The following KCMF1 variants were observed in gnomAD, a reference collection of about 807,000 sequenced individuals.
KCMF1 encodes the protein E3 ubiquitin-protein ligase KCMF1.
KCMF1 carries 3 observed loss-of-function variants against 41.1 expected under a neutral mutation model. The ratio of observed to expected loss-of-function variants is 0.07; its 90% CI spans 0.03 to 0.19. The LOEUF (loss-of-function observed/expected upper bound fraction) is 0.19, where lower values mean the gene tolerates loss of function less well. Among genes scored for constraint, KCMF1 ranks in the 10% least tolerant of loss-of-function variants. The pLI, the probability that KCMF1 is intolerant of heterozygous loss-of-function variation, is 1.00. For synonymous variants in KCMF1, 142 were observed against 164.5 expected (o/e 0.86, Z 1.04); for missense variants, 286 against 488.9 (o/e 0.58, Z 3.91).
intron 1 of KCMF1, among the ~76,000 whole-genome samples, chr2:85,006,699 G>A (rs1034425579): frequency 3.3e-5 from 5 of 151,942 alleles, no homozygotes; most frequent in African/African-American, 9.7e-5. Flanking sequence ...TTTGAGAATG[G>A]AATTTTTATG....
At chr2:84,973,339 A>G (rs1475010529) in intron 1 of KCMF1, among the ~76,000 whole-genome samples, 2 of 152,210 alleles carry the variant, frequency 1.3e-5, no homozygotes, top group African/African-American at 2.4e-5. Flanking sequence ...AATGTAACAT[A>G]TATTCTGTAA....
intron 6 of KCMF1, among the ~76,000 whole-genome samples, chr2:85,052,447 C>A (rs1405716293): frequency 6.6e-6 from 1 of 152,164 alleles, no homozygotes; most frequent in Non-Finnish European, 1.5e-5. Flanking sequence ...CTTGCAGTTT[C>A]ATTTATATCC....
At position 85,044,264 on chromosome 2, in the gene KCMF1, C is replaced by T. The variant is rs145798779; in HGVS notation, c.426+599C>T. ...GGGACAGGTGTGCATCTTGGTGTTC[C>T]TTTCCTTTTTGGGGTCCCCTTCTCC... On this transcript the variant is annotated intron_variant, in intron 4 of 6. Coordinates refer to ENST00000409785, the MANE Select transcript of KCMF1 (RefSeq NM_020122.5). Among the ~76,000 whole-genome samples, 29 of 152,170 alleles carry T rather than the reference C, an allele frequency of 1.9e-4. No homozygotes were observed. In the East Asian group the frequency reaches 5.6e-3, roughly 29 times the overall value.
At chr2:84,994,435 C>T (rs1036717111) in intron 1 of KCMF1, among the ~76,000 whole-genome samples, 32 of 150,876 alleles carry the variant, frequency 2.1e-4, no homozygotes, top group African/African-American at 7.8e-4. Flanking sequence ...CGGAGGTTCG[C>T]TTTTGTTGCC....
At chr2:85,028,115 G>A in intron 2 of KCMF1, 59 bp downstream of exon 2, 1 of 1,143,656 alleles carries the variant, frequency 8.7e-7, no homozygotes, top group South Asian at 1.5e-5. Flanking sequence ...CGTTGAAGAA[G>A]TAAAGGCAAA....
In KCMF1 at chr2:85,055,411, T is replaced by C. The variant is rs1675903545; in HGVS notation, c.*2002T>C. On this transcript the variant is annotated 3_prime_UTR_variant, in exon 7 of 7. Coordinates refer to ENST00000409785, the MANE Select transcript of KCMF1 (RefSeq NM_020122.5). ...GAAATAAATGCCAATTATATGTACT[T>C]TCCCTTTTCTGCACAAATTCTGGGA... The C allele has an allele frequency of 6.6e-6, 1 of 152,188 alleles. No individual in the cohort carries two copies. Among genetic ancestry groups the C allele is most frequent in the African/African-American group, 2.4e-5 (1 of 41,438 alleles). The allele number at this position is 152,188 out of a possible 1,614,324, so 9.4% of individuals were successfully genotyped here.
chr2:85,049,238 CTG>C (rs1675746682), intron 5 of KCMF1, 126 bp from the exon 6 acceptor site: 3 of 884,322 alleles, frequency 3.4e-6, no homozygotes, highest in South Asian at 1.7e-5. Flanking sequence ...AGCTCTTAAA[CTG>C]TGTGCTGTGG....
chr2:84,971,473 A>G lies in KCMF1; in HGVS notation c.16+6A>G, dbSNP rs1673390314. On this transcript the variant is annotated splice_donor_region_variant and intron_variant, in intron 1 of 6. Coordinates refer to ENST00000409785, the MANE Select transcript of KCMF1 (RefSeq NM_020122.5). ...TAGGATGTCCCGACATGAAGGTGAG[A>G]GGAGCCCCCGCCCCCACCCGCACCT... The G allele has an allele frequency of 1.6e-6, 2 of 1,274,096 alleles. No individual in the cohort carries two copies. The highest frequency in any genetic ancestry group is 4.3e-5 in the East Asian group (1 of 23,406). 78.9% of individuals were successfully genotyped at this position (1,274,096 alleles called of 1,614,324 possible). A position where few individuals can be genotyped will look rare whatever the true frequency, so the allele number is the denominator to read the frequency against.
rs150835051 is a variant in KCMF1 at position 85,030,496 on chromosome 2, G to T, written c.184+2440G>T. Among the ~76,000 whole-genome samples the T allele has an allele frequency of 3.8e-3, 583 of 152,070 alleles. 4 individuals are homozygous for T. The highest frequency in any genetic ancestry group is 6.2e-3 in the Non-Finnish European group (424 of 67,992). ...TACATTTAGATATTTGACCCATTTA[G>T]AATTAATTTTTATATGTGGAATGAG... On this transcript the variant is annotated intron_variant, in intron 2 of 6. Transcript: ENST00000409785.
rs761734817 is a variant in KCMF1, at chr2:85,049,660, G to C, written c.884+12G>C. On this transcript the variant is annotated intron_variant, in intron 6 of 6. Transcript: ENST00000409785. ...TTTCTTTTAACAAGGTAGCTCATTTGTTAATAGAATTTTGTTTGGGAAGTA... is the reference window on the plus strand; with the variant it reads ...TTTCTTTTAACAAGGTAGCTCATTTCTTAATAGAATTTTGTTTGGGAAGTA... 2 of 1,598,076 alleles carry C rather than the reference G, an allele frequency of 1.3e-6. No individual in the cohort carries two copies. Among genetic ancestry groups the C allele is most frequent in the Non-Finnish European group, 1.7e-6 (2 of 1,168,484 alleles).
chr2:85,003,339 G>A (rs1033780662), intron 1 of KCMF1, among the ~76,000 whole-genome samples: 16 of 152,138 alleles, frequency 1.1e-4, no homozygotes, highest in Admixed American at 6.6e-4. Context: ...TTAGCCAGGC[G>A]TGGTGGCGGG....
chr2:84,977,041 C>T (rs915226599), intron 1 of KCMF1, among the ~76,000 whole-genome samples: 1 of 151,556 alleles, frequency 6.6e-6, no homozygotes, highest in Admixed American at 6.6e-5. Flanking sequence ...TTTTTTTACT[C>T]TCTGTTGCCC....
At chr2:85,029,848 A>T (rs952919173) in intron 2 of KCMF1, among the ~76,000 whole-genome samples, 1 of 150,976 alleles carries the variant, frequency 6.6e-6, no homozygotes, top group Non-Finnish European at 1.5e-5. Context: ...TGCCCAGAAA[A>T]TTTTTTTTGT....
At chr2:85,009,951 T>C (rs1674613625) in intron 1 of KCMF1, among the ~76,000 whole-genome samples, 1 of 152,206 alleles carries the variant, frequency 6.6e-6, no homozygotes, top group South Asian at 2.1e-4. Flanking sequence ...CCAGACATTT[T>C]GTTGAATTTG....
intron 1 of KCMF1, among the ~76,000 whole-genome samples, chr2:84,978,208 G>A (rs1673601246): frequency 6.6e-6 from 1 of 152,116 alleles, no homozygotes; most frequent in South Asian, 2.1e-4. Context: ...TGTTAGTCAG[G>A]CTGGTCTTGA....
intron 1 of KCMF1, among the ~76,000 whole-genome samples, chr2:84,973,825 C>CTTTTT (rs1238178193): frequency 1.1e-3 from 126 of 110,208 alleles, no homozygotes; most frequent in Non-Finnish European, 1.7e-3. Flanking sequence ...TTATTTCTTT[C>CTTTTT]TTTTTTTTTT....
chr2:85,006,291 T>TTTTC, intron 1 of KCMF1, among the ~76,000 whole-genome samples: 1 of 147,300 alleles, frequency 6.8e-6, no homozygotes, highest in Non-Finnish European at 1.5e-5. Context: ...AATATTCTCA[T>TTTTC]TTTCTTTTTT....
intron 1 of KCMF1, among the ~76,000 whole-genome samples, chr2:85,027,288 G>A (rs1277784063): frequency 6.6e-6 from 1 of 151,054 alleles, no homozygotes; most frequent in East Asian, 1.9e-4. Context: ...TACCCTCATG[G>A]TGAAAAGCCT....
intron 4 of KCMF1, among the ~76,000 whole-genome samples, chr2:85,045,041 G>A (rs1192027859): frequency 6.6e-6 from 1 of 152,142 alleles, no homozygotes; most frequent in Non-Finnish European, 1.5e-5. Flanking sequence ...GAGCCTAGAA[G>A]TTTGAAACCA....
Sources: allele counts gnomAD v4.1 joint callset (sites outside exome capture counted in the v4.1 genomes callset), GRCh38; gene constraint gnomAD v4.1.1; transcripts MANE v1.5; gene names NCBI Gene and HGNC (gene_info 2026-07-23, HGNC 2026-07-21).